CLASP1: variants seen among roughly 807,000 people sequenced by gnomAD.
The protein encoded by CLASP1 is CLIP-associating protein 1.
CLASP1 carries 38 observed loss-of-function variants against 192.3 expected under a neutral mutation model. That is an observed-to-expected ratio of 0.20 (90% CI 0.15 to 0.26). CLASP1 has a LOEUF of 0.26. CLASP1 is among the 10% of genes least tolerant of loss of function. CLASP1 has a pLI of 1.00. For missense variants in CLASP1, 1,433 were observed against 1,932.5 expected, an observed-to-expected ratio of 0.74 and a Z score of 4.85; for synonymous variants, 691 against 712.8, an observed-to-expected ratio of 0.97 and a Z score of 0.49.
chr2:121,389,096 C>T (rs2073874127), intron 30 of CLASP1, among the ~76,000 whole-genome samples: 2 of 152,018 alleles, frequency 1.3e-5, no homozygotes, highest in South Asian at 4.2e-4. Flanking sequence ...AGGTATTTAA[C>T]CAAAAATAAG....
rs151226523 is a variant in CLASP1, at chr2:121,464,854, T to C, written c.866-2249A>G. Among the ~76,000 whole-genome samples the C allele has an allele frequency of 6.3e-3, 952 of 152,314 alleles. 13 individuals carry two copies. The highest frequency in any genetic ancestry group is 0.021 in the African/African-American group (883 of 41,562). On this transcript the variant is annotated intron_variant, in intron 9 of 39. Transcript: ENST00000263710. ...TGTGCAGAAGCTCTTATTAATTAGA[T>C]CCCATTTGTCAATTTTGGCTTCTGT...
intron 19 of CLASP1, among the ~76,000 whole-genome samples, chr2:121,441,745 T>TAA (rs879844094): frequency 6.9e-6 from 1 of 145,710 alleles, no homozygotes; most frequent in Admixed American, 6.8e-5. Flanking sequence ...ACCCTGCCTT[T>TAA]AAAAAAAAAA....
intron 2 of CLASP1, among the ~76,000 whole-genome samples, chr2:121,557,188 A>G (rs1037357321): frequency 2.6e-5 from 4 of 151,948 alleles, no homozygotes; most frequent in African/African-American, 9.7e-5. Flanking sequence ...GATAGAACTT[A>G]CTCTTTCCTG....
intron 8 of CLASP1, among the ~76,000 whole-genome samples, chr2:121,499,697 G>A (rs184485008): frequency 2.6e-5 from 4 of 152,088 alleles, no homozygotes; most frequent in Admixed American, 2.0e-4. Flanking sequence ...ACTCAGATAA[G>A]GGCATTTGAC....
intron 8 of CLASP1, among the ~76,000 whole-genome samples, chr2:121,474,354 C>A (rs1575213385): frequency 6.6e-6 from 1 of 152,124 alleles, no homozygotes; most frequent in African/African-American, 2.4e-5. Context: ...TCTAAATTGC[C>A]TGAAGATGTC....
intron 1 of CLASP1, among the ~76,000 whole-genome samples, chr2:121,648,874 A>T (rs1158855976): frequency 6.6e-6 from 1 of 152,156 alleles, no homozygotes; most frequent in Non-Finnish European, 1.5e-5. Flanking sequence ...CCCGGTTGGG[A>T]GCCCAGGACG....
chr2:121,473,419 C>A (rs2091103471), intron 8 of CLASP1, among the ~76,000 whole-genome samples: 1 of 151,848 alleles, frequency 6.6e-6, no homozygotes, highest in Admixed American at 6.6e-5. Context: ...AAAATAAGCA[C>A]AGAAGCACAG....
At position 121,451,143 on chromosome 2, in the gene CLASP1, G is replaced by A. The variant is rs1345284759; in HGVS notation, c.1446-153C>T. On this transcript the variant is annotated intron_variant, in intron 15 of 39. Coordinates refer to ENST00000263710, the Ensembl canonical transcript of CLASP1. Reference sequence around the variant, plus strand: ...TTCCCACGTGGCTGGGCAAAGCACGGCACTCCTACCTACAGTCCTTTAACT... The same window carrying A: ...TTCCCACGTGGCTGGGCAAAGCACGACACTCCTACCTACAGTCCTTTAACT... Among the ~76,000 whole-genome samples, 4 of 152,202 alleles carry A rather than the reference G, an allele frequency of 2.6e-5. No homozygotes were observed. In the East Asian group the frequency reaches 7.7e-4, roughly 29 times the overall value.
intron 8 of CLASP1, among the ~76,000 whole-genome samples, chr2:121,495,835 G>A (rs1426919757): frequency 6.6e-6 from 1 of 152,050 alleles, no homozygotes; most frequent in Non-Finnish European, 1.5e-5. Flanking sequence ...CTATTATTCT[G>A]AGCACCAACC....
chr2:121,518,022 G>C (rs1223338916), intron 6 of CLASP1, among the ~76,000 whole-genome samples: 2 of 150,734 alleles, frequency 1.3e-5, no homozygotes, highest in African/African-American at 4.9e-5. Context: ...TCAAGGTCAG[G>C]AGTTCGAGAC....
intron 8 of CLASP1, among the ~76,000 whole-genome samples, chr2:121,502,458 T>C (rs2093785345): frequency 6.6e-6 from 1 of 152,014 alleles, no homozygotes; most frequent in Admixed American, 6.6e-5. Context: ...TGAGATACTG[T>C]ATGAGGGAGG....
chr2:121,475,430 AC>A (rs2091473182), intron 8 of CLASP1, among the ~76,000 whole-genome samples: 1 of 152,234 alleles, frequency 6.6e-6, no homozygotes, highest in Admixed American at 6.5e-5. Context: ...GGGAAATTCC[AC>A]TATGTGGAAT....
chr2:121,400,636 T>A (rs1161388056), intron 28 of CLASP1, among the ~76,000 whole-genome samples: 1 of 152,232 alleles, frequency 6.6e-6, no homozygotes, highest in Non-Finnish European at 1.5e-5. Context: ...AAACAGCCAC[T>A]AACACAAAGT....
At chr2:121,475,536 C>T (rs2091488732) in intron 8 of CLASP1, among the ~76,000 whole-genome samples, 1 of 152,190 alleles carries the variant, frequency 6.6e-6, no homozygotes, top group African/African-American at 2.4e-5. Flanking sequence ...TCTAACGTTA[C>T]AGTATTTCTC....
At chr2:121,629,677 C>T (rs901633855) in intron 1 of CLASP1, among the ~76,000 whole-genome samples, 6 of 151,662 alleles carry the variant, frequency 4.0e-5, no homozygotes, top group East Asian at 4.0e-4. Context: ...TGTAATCCCA[C>T]GTACTTGAGA....
intron 21 of CLASP1, 34 bp from the exon 22 acceptor site, chr2:121,425,340 A>C (rs1347729414): frequency 6.3e-7 from 1 of 1,592,494 alleles, no homozygotes. Flanking sequence ...TGAATAATAG[A>C]TGTAAATGTA....
chr2:121,395,186 T>TTCAGCCC (rs2075080518), intron 30 of CLASP1, among the ~76,000 whole-genome samples: 1 of 151,718 alleles, frequency 6.6e-6, no homozygotes, highest in African/African-American at 2.4e-5. Context: ...TGTTTCAGCC[T>TTCAGCCC]TTGAGACACC....
chr2:121,525,166 A>G (rs994026233), intron 6 of CLASP1, among the ~76,000 whole-genome samples: 1 of 152,148 alleles, frequency 6.6e-6, no homozygotes, highest in Non-Finnish European at 1.5e-5. Context: ...GAGATGACAT[A>G]ATAAAAATGA....
intron 6 of CLASP1, among the ~76,000 whole-genome samples, chr2:121,519,701 T>A (rs1161540061): frequency 2.6e-5 from 4 of 152,212 alleles, no homozygotes; most frequent in African/African-American, 9.7e-5. Context: ...CCAACATCTT[T>A]ATCCTTTAAA....
Sources: allele counts gnomAD v4.1 joint callset (sites outside exome capture counted in the v4.1 genomes callset), GRCh38; gene constraint gnomAD v4.1.1; transcripts MANE v1.5; gene names NCBI Gene and HGNC (gene_info 2026-07-23, HGNC 2026-07-21).